Variants in MYOM1 observed in about 807,000 individuals in gnomAD.
MYOM1 encodes myomesin 1.
MYOM1 carries 164 observed loss-of-function variants against 205.3 expected under a neutral mutation model. That is an observed-to-expected ratio of 0.80 (90% CI 0.70 to 0.91). MYOM1 has a LOEUF of 0.91. MYOM1 is among the 40% of genes least tolerant of loss of function. The pLI is 0.00. For missense variants in MYOM1, 2,011 were observed against 2,127.3 expected, an observed-to-expected ratio of 0.95 and a Z score of 1.08; for synonymous variants, 772 against 789.4, an observed-to-expected ratio of 0.98 and a Z score of 0.37.
rs537217949 is a variant in MYOM1 at position 3,079,362 on chromosome 18, CT to C, written c.4485-21del. On this transcript the variant is annotated intron_variant, in intron 33 of 37. Coordinates refer to ENST00000356443, the MANE Select transcript of MYOM1 (RefSeq NM_003803.4). ...GACCCACTGTGAAAATCGAAGAAAA[CT>C]TCCTTAGCATTTGCTTCCATCCAGG... 6.3e-4 allele frequency: 1,001 copies of C among 1,597,962 alleles called. 9 individuals are homozygous for C. The South Asian group carries it at 0.011, about 17-fold the overall frequency.
chr18:3,172,114 A>G (rs1419569024), intron 8 of MYOM1, among the ~76,000 whole-genome samples: 2 of 152,236 alleles, frequency 1.3e-5, no homozygotes, highest in Non-Finnish European at 2.9e-5. Flanking sequence ...GTCTGGCAGA[A>G]CTGATCAATA....
At chr18:3,211,411 TCC>T (rs1698936185) in intron 2 of MYOM1, among the ~76,000 whole-genome samples, 1 of 152,166 alleles carries the variant, frequency 6.6e-6, no homozygotes, top group Non-Finnish European at 1.5e-5. Context: ...AAAACTACAG[TCC>T]CTCTCTCCAG....
At chr18:3,197,179 C>T (rs1022675767) in intron 2 of MYOM1, among the ~76,000 whole-genome samples, 1 of 150,866 alleles carries the variant, frequency 6.6e-6, no homozygotes, top group Non-Finnish European at 1.5e-5. Flanking sequence ...CTCTGTCACC[C>T]AGGCTGGAGT....
intron 2 of MYOM1, among the ~76,000 whole-genome samples, chr18:3,214,277 G>T (rs1164715853): frequency 6.6e-5 from 10 of 152,158 alleles, no homozygotes; most frequent in Non-Finnish European, 1.2e-4. Context: ...CATTCTGAGC[G>T]CAAGGAAACC....
intron 9 of MYOM1, among the ~76,000 whole-genome samples, chr18:3,166,847 A>G (rs1434830436): frequency 6.6e-6 from 1 of 152,194 alleles, no homozygotes; most frequent in African/African-American, 2.4e-5. Context: ...CTAGTACACT[A>G]CTAAATATGT....
the MYOM1 span, among the ~76,000 whole-genome samples, chr18:3,239,636 G>A: frequency 1.3e-5 from 2 of 151,420 alleles, no homozygotes; most frequent in Non-Finnish European, 2.9e-5. Context: ...TACACCTGTA[G>A]TCCTAGCTAC....
intron 37 of MYOM1, among the ~76,000 whole-genome samples, chr18:3,071,328 C>T (rs1362283915): frequency 6.6e-6 from 1 of 152,114 alleles, no homozygotes; most frequent in African/African-American, 2.4e-5. Context: ...TATGCCGATG[C>T]TTGACCTATG....
chr18:3,085,246 T>TGC lies in MYOM1; in HGVS notation c.4252-115_4252-114insGC. The TGC allele has an allele frequency of 2.9e-4, 23 of 78,080 alleles. No homozygotes were observed. The South Asian group carries it at 8.4e-3, about 28-fold the overall frequency. 4.8% of individuals were successfully genotyped at this position (78,080 alleles called of 1,614,324 possible). On this transcript the variant is annotated intron_variant, in intron 30 of 37. Coordinates refer to ENST00000356443, the MANE Select transcript of MYOM1 (RefSeq NM_003803.4). Reference sequence around the variant, plus strand: ...TGCTGCTGCTTTTTTTTTTTTTTTTTTTTTTTTTTTTTTTTTTTTTTTTTT... The same window carrying TGC: ...TGCTGCTGCTTTTTTTTTTTTTTTTTGCTTTTTTTTTTTTTTTTTTTTTTTTT...
rs545531591 is a variant in MYOM1 at position 3,162,981 on chromosome 18, A to G, written c.1501+1297T>C. Among the ~76,000 whole-genome samples the G allele has an allele frequency of 7.3e-4, 108 of 147,296 alleles. 1 individual carries two copies. The highest frequency in any genetic ancestry group is 2.6e-3 in the African/African-American group (106 of 40,570). On this transcript the variant is annotated intron_variant, in intron 10 of 37. Coordinates refer to ENST00000356443, the MANE Select transcript of MYOM1 (RefSeq NM_003803.4). Reference sequence around the variant, plus strand: ...GCGGAGCTTGCAGTGAGCCGAGATCAAGCCACTGCACTGCACTCCAGCCTG... The same window carrying G: ...GCGGAGCTTGCAGTGAGCCGAGATCGAGCCACTGCACTGCACTCCAGCCTG...
At chr18:3,169,091 T>C in intron 8 of MYOM1, 110 bp from the exon 9 acceptor site, 1 of 870,858 alleles carries the variant, frequency 1.1e-6, no homozygotes, top group South Asian at 1.7e-5. Flanking sequence ...AATGAACAAA[T>C]GAGCAAATGA....
intron 2 of MYOM1, among the ~76,000 whole-genome samples, chr18:3,213,952 A>G (rs1350754020): frequency 6.6e-6 from 1 of 151,930 alleles, no homozygotes; most frequent in Non-Finnish European, 1.5e-5. Flanking sequence ...TCTAAGCTCC[A>G]CTCTTCCTAG....
chr18:3,183,790 T>C (rs1014591234), intron 5 of MYOM1, among the ~76,000 whole-genome samples: 1 of 152,198 alleles, frequency 6.6e-6, no homozygotes, highest in Non-Finnish European at 1.5e-5. Flanking sequence ...ATCTTGGTTG[T>C]TGCTTGGGCT....
chr18:3,083,595 A>ATTTTT (rs59299057), intron 33 of MYOM1, among the ~76,000 whole-genome samples, 194 bp downstream of exon 33: 29 of 107,074 alleles, frequency 2.7e-4, no homozygotes, highest in East Asian at 5.4e-4. Context: ...CGCCCAGCTC[A>ATTTTT]TTTTTTTTTT....
chr18:3,152,141 C>T lies in MYOM1; in HGVS notation c.1644-248G>A, dbSNP rs141975562. ...TCGTAAAAAGCAGGCATCTGAGGGG[C>T]CTTGTGTAGAAAGCAGAGGGGTTTG... On this transcript the variant is annotated intron_variant, in intron 11 of 37. Coordinates refer to ENST00000356443, the MANE Select transcript of MYOM1 (RefSeq NM_003803.4). This position sits in a 1 kb window ranked among gnomAD's most constrained non-coding sequence, Gnocchi z 4.3. 4.4e-3 allele frequency among the ~76,000 whole-genome samples: 670 copies of T among 152,200 alleles called. 1 individual carries two copies. The highest frequency in any genetic ancestry group is 0.014 in the Middle Eastern group (4 of 294).
rs1231410135 is a variant in MYOM1, at chr18:3,116,502, A to G, written c.3132T>C (p.Ser1044=). The G allele has an allele frequency of 6.3e-7, 1 of 1,580,558 alleles. No homozygotes were observed. The highest frequency in any genetic ancestry group is 8.6e-7 in the Non-Finnish European group (1 of 1,161,280). ...WTIAVPGPPH[S]LKCSEVRKDS... ...CTTTCCTGACTTCACTACACTTGAG[A>G]CTGTGCGGTGGTCCTGAGAGAGAGA... Residue 1044 remains serine (S), a synonymous_variant, in exon 21 of 38, where the codon AGT becomes AGC. Transcript: ENST00000356443.
intron 9 of MYOM1, among the ~76,000 whole-genome samples, chr18:3,166,298 T>C (rs1227326991): frequency 2.1e-5 from 3 of 144,454 alleles, no homozygotes; most frequent in African/African-American, 7.6e-5. Context: ...TGAGGCGGCG[T>C]CTCAGTCTGT....
chr18:3,148,177 G>A (rs917827291), intron 13 of MYOM1, among the ~76,000 whole-genome samples: 8 of 152,148 alleles, frequency 5.3e-5, no homozygotes, highest in Non-Finnish European at 1.2e-4. Context: ...ACAGCTGGCA[G>A]TTCCTTTAAA....
chr18:3,130,565 C>A (rs1422315126), intron 17 of MYOM1, among the ~76,000 whole-genome samples: 1 of 152,106 alleles, frequency 6.6e-6, no homozygotes, highest in Non-Finnish European at 1.5e-5. Context: ...GATCCACGTG[C>A]CTCAGCCTTC....
intron 22 of MYOM1, among the ~76,000 whole-genome samples, chr18:3,104,933 G>A (rs959234006): frequency 2.0e-5 from 3 of 151,988 alleles, no homozygotes; most frequent in Admixed American, 6.6e-5. Context: ...ATTTTTTGTA[G>A]GGACAGGCTT....
Sources: allele counts gnomAD v4.1 joint callset (sites outside exome capture counted in the v4.1 genomes callset), GRCh38; gene constraint gnomAD v4.1.1; non-coding constraint Gnocchi (gnomAD v3.1); transcripts MANE v1.5; gene names NCBI Gene and HGNC (gene_info 2026-07-23, HGNC 2026-07-21).